Variants in SLC19A1 observed in about 807,000 individuals in gnomAD.
SLC19A1 encodes reduced folate transporter.
In SLC19A1, 37 loss-of-function variants were observed where a neutral mutation model predicts 35.3. The ratio of observed to expected loss-of-function variants is 1.05; its 90% confidence interval spans 0.81 to 1.38. The LOEUF (loss-of-function observed/expected upper bound fraction) is 1.38. SLC19A1 is among the 40% of genes most tolerant of loss of function. The pLI is 0.00. For missense variants in SLC19A1, 831 were observed against 826.9 expected (o/e 1.00, Z -0.06); for synonymous variants, 460 against 398.5 (o/e 1.15, Z -1.84).
upstream of SLC19A1, among the ~76,000 whole-genome samples, chr21:45,545,128 C>T (rs953445832): frequency 6.6e-6 from 1 of 152,208 alleles, no homozygotes; most frequent in Non-Finnish European, 1.5e-5. Context: ...CGTGCAGAGA[C>T]GTGCACATGC....
chr21:45,549,615 G>T (rs1260076525), intron 1 of SLC19A1, among the ~76,000 whole-genome samples: 1 of 135,220 alleles, frequency 7.4e-6, no homozygotes, highest in Non-Finnish European at 1.6e-5. Flanking sequence ...GGAGAAAAGG[G>T]CAGTGATGTG....
At position 45,530,938 on chromosome 21, in the gene SLC19A1, T is replaced by G. The variant is rs2077861900; in HGVS notation, c.983A>C (p.Lys328Thr). 1 of 1,455,282 alleles carries G rather than the reference T, an allele frequency of 6.9e-7. No homozygotes were observed. The highest frequency in any genetic ancestry group is 9.0e-7 in the Non-Finnish European group (1 of 1,105,584). The allele number at this position is 1,455,282 out of a possible 1,614,324, so 90.1% of individuals were successfully genotyped here. A position where few individuals can be genotyped will look rare whatever the true frequency, so the allele number is the denominator to read the frequency against. ...CTTGGACCAGCGCGCCCAGCGGATC[T>G]TCACGAAGCCCGCGGCGAAGGACGT... is the stretch of plus-strand genomic sequence containing the variant. Reference protein sequence around the residue: ...AITSFAAGFVKIRWARWSKLL... With the variant: ...AITSFAAGFVTIRWARWSKLL... Residue 328 changes from lysine to threonine, a missense_variant, in exon 4 of 6, where the codon AAG becomes ACG. Lys to Thr is a moderately conservative substitution (Grantham distance 78). Transcript: ENST00000311124. The surrounding 1 kb of genome is among the most constrained non-coding windows in gnomAD (Gnocchi z 5.3).
chr21:45,551,108 AG>A (rs1418610105), intron 1 of SLC19A1, among the ~76,000 whole-genome samples: 18 of 151,480 alleles, frequency 1.2e-4, no homozygotes, highest in African/African-American at 4.4e-4. Flanking sequence ...TTTTCTTTCA[AG>A]GAACTACCTT....
In SLC19A1 at chr21:45,534,561, C is replaced by T; in HGVS notation, c.190-2413G>A. On this transcript the variant is annotated intron_variant, in intron 2 of 5. Transcript: ENST00000311124. This position sits in a 1 kb window ranked among gnomAD's most constrained non-coding sequence, Gnocchi z 4.2. ...ACCTCCGAATGAATGGAGCATGCCT[C>T]ATTTCCTCTTCCACCAGGAGCTGGC... 4 of 1,535,734 alleles carry T rather than the reference C, an allele frequency of 2.6e-6. No individual in the cohort carries two copies. The South Asian group carries it at 4.8e-5, about 18-fold the overall frequency.
chr21:45,530,978 G>A lies in SLC19A1; in HGVS notation c.950-7C>T, dbSNP rs903778492. On this transcript the variant is annotated splice_polypyrimidine_tract_variant and splice_region_variant and intron_variant, in intron 3 of 5. Transcript: ENST00000311124. The surrounding 1 kb of genome is among the most constrained non-coding windows in gnomAD (Gnocchi z 5.3). Reference sequence around the variant, plus strand: ...GCGAAGGACGTGATGGCGCCTGAGAGGGGAGGGATGGGGCGTTGCAGCGGC... The same window carrying A: ...GCGAAGGACGTGATGGCGCCTGAGAAGGGAGGGATGGGGCGTTGCAGCGGC... 5 of 1,444,220 alleles carry A rather than the reference G, an allele frequency of 3.5e-6. No homozygotes were observed. The South Asian group carries it at 5.9e-5, about 17-fold the overall frequency. 89.5% of individuals were successfully genotyped at this position (1,444,220 alleles called of 1,614,324 possible). A position where few individuals can be genotyped will look rare whatever the true frequency, so the allele number is the denominator to read the frequency against.
In SLC19A1 at chr21:45,505,781, G is replaced by A. The variant is rs534094213; in HGVS notation, c.498-7169C>T. 106 of 1,286,280 alleles carry A rather than the reference G, an allele frequency of 8.2e-5. 1 individual carries two copies. The highest frequency in any genetic ancestry group is 6.3e-4 in the South Asian group (50 of 78,878). The allele number at this position is 1,286,280 out of a possible 1,614,324, so 79.7% of individuals were successfully genotyped here. A position where few individuals can be genotyped will look rare whatever the true frequency, so the allele number is the denominator to read the frequency against. On this transcript the variant is annotated intron_variant, in intron 3 of 4. Transcript: ENST00000417954. The stretch of plus-strand genomic sequence containing the variant: ...CCTGAAACGGGCATTCCTTCCTTCC[G>A]CCCCTGCCCCCCGCCCTCCCCGCCA...
In SLC19A1 at chr21:45,512,566, G is replaced by GT; in HGVS notation, c.*3091dup. 2 of 683,760 alleles carry GT rather than the reference G, an allele frequency of 2.9e-6. No individual in the cohort carries two copies. The highest frequency in any genetic ancestry group is 1.9e-5 in the South Asian group (1 of 54,028). The allele number at this position is 683,760 out of a possible 1,614,324, so 42.4% of individuals were successfully genotyped here. A position where few individuals can be genotyped will look rare whatever the true frequency, so the allele number is the denominator to read the frequency against. ...AAGAAATAAAAGGAAGCCAAAGAGTGTATTTTTTTAAAAGTTTAAAACAGA... is the reference window on the plus strand; with the variant it reads ...AAGAAATAAAAGGAAGCCAAAGAGTGTTATTTTTTTAAAAGTTTAAAACAGA... On this transcript the variant is annotated 3_prime_UTR_variant, in exon 6 of 6. Transcript: ENST00000311124.
chr21:45,509,919 CCTCAGTGTGTCACTTGCGCGCCTCCCG>C, downstream of SLC19A1: 1 of 944,368 alleles, frequency 1.1e-6, no homozygotes, highest in Non-Finnish European at 1.6e-6. Flanking sequence ...TGCCTGGGCC[CCTCAGTGTGTCACTTGCGCGCCTCCCG>C]CTCAGCGCCC....
chr21:45,512,403 C>G, downstream of SLC19A1: 1 of 1,611,874 alleles, frequency 6.2e-7, no homozygotes, highest in Non-Finnish European at 8.5e-7. Context: ...AAGTAGCCAC[C>G]GCCTGGATGC....
At chr21:45,505,813 A>G (rs777063422) in intron 3 of SLC19A1, 2 of 1,423,862 alleles carry the variant, frequency 1.4e-6, no homozygotes, top group African/African-American at 2.8e-5. Flanking sequence ...GCCAAGCCCC[A>G]CACCTCTGCA....
chr21:45,536,011 C>A (rs563834191), intron 2 of SLC19A1: 1 of 249,736 alleles, frequency 4.0e-6, no homozygotes, highest in Non-Finnish European at 6.5e-6. Context: ...CCCCTGCACC[C>A]CGGCGCCCAC....
downstream of SLC19A1, chr21:45,512,127 G>A: frequency 6.5e-7 from 1 of 1,544,174 alleles, no homozygotes; most frequent in Non-Finnish European, 8.8e-7. Flanking sequence ...TGCCCGGGGA[G>A]CGGCCTCTGC....
At position 45,533,750 on chromosome 21, in the gene SLC19A1, G is replaced by A. The variant is rs1384137683; in HGVS notation, c.190-1602C>T. Among the ~76,000 whole-genome samples, 1 of 152,094 alleles carries A rather than the reference G, an allele frequency of 6.6e-6. No individual in the cohort carries two copies. Among genetic ancestry groups the A allele is most frequent in the Non-Finnish European group, 1.5e-5 (1 of 67,976 alleles). On this transcript the variant is annotated intron_variant, in intron 2 of 5. Coordinates refer to ENST00000311124, the MANE Select transcript of SLC19A1 (RefSeq NM_194255.4). This position sits in a 1 kb window ranked among gnomAD's most constrained non-coding sequence, Gnocchi z 4.5. The stretch of plus-strand genomic sequence containing the variant: ...AGCCCCTGCCAGCCACACTTGGCAG[G>A]ACCAAACCCTGGGTCAGCACGTGGG...
rs1395054265 is a variant in SLC19A1, at chr21:45,531,618, G to A, written c.720C>T (p.His240=). 9.9e-6 allele frequency: 16 copies of A among 1,612,156 alleles called. No homozygotes were observed. In the East Asian group the frequency reaches 1.1e-4, roughly 11 times the overall value. The change falls in exon 3 of 6, where the codon CAC becomes CAT. Residue 240 remains histidine, a synonymous_variant. Coordinates refer to ENST00000311124, the MANE Select transcript of SLC19A1 (RefSeq NM_194255.4). ...MNPGPGGKLG[H]ALRVACGDSV... ...AGTCCCCACAGGCCACCCGCAGGGC[G>A]TGTCCCAGCTTCCCGCCTGGGCCAG...
At chr21:45,557,989 A>C (rs1308806777) in intron 1 of SLC19A1, among the ~76,000 whole-genome samples, 1 of 152,246 alleles carries the variant, frequency 6.6e-6, no homozygotes, top group African/African-American at 2.4e-5. Context: ...TTCGGAGGGC[A>C]TGACCAGGAG....
At chr21:45,562,557 G>A (rs944423) in intron 1 of SLC19A1, among the ~76,000 whole-genome samples, 62,713 of 152,082 alleles carry the variant, frequency 0.41, 13,109 homozygotes, top group African/African-American at 0.48. Flanking sequence ...TGAAACAAAC[G>A]GGTTGAGACC....
chr21:45,537,907 G>A lies in SLC19A1; in HGVS notation c.53C>T (p.Pro18Leu). ...VEKQVPVEPGPDPELRSWRHL... is the reference protein window; with the variant it reads ...VEKQVPVEPGLDPELRSWRHL... The stretch of plus-strand genomic sequence containing the variant: ...CCGCCAGGACCGGAGCTCGGGGTCA[G>A]GCCCAGGTTCCACGGGCACCTGCTT... The change falls in exon 2 of 6, where the codon CCT (proline) becomes CTT (leucine). Residue 18 changes from proline (P) to leucine (L), a missense_variant. Physicochemically the swap from Pro to Leu is moderately conservative, Grantham distance 98 (BLOSUM62 -3). Coordinates refer to ENST00000311124, the MANE Select transcript of SLC19A1 (RefSeq NM_194255.4). 1 of 1,595,890 alleles carries A rather than the reference G, an allele frequency of 6.3e-7. No homozygotes were observed. The highest frequency in any genetic ancestry group is 8.5e-7 in the Non-Finnish European group (1 of 1,174,676).
At chr21:45,523,743 C>T (rs532515028) in intron 5 of SLC19A1, among the ~76,000 whole-genome samples, 1 of 152,330 alleles carries the variant, frequency 6.6e-6, no homozygotes, top group East Asian at 1.9e-4. Context: ...CCAGTTCCAG[C>T]CTGGCTGGGG....
chr21:45,556,147 C>T (rs184511964), intron 1 of SLC19A1, among the ~76,000 whole-genome samples: 3 of 152,352 alleles, frequency 2.0e-5, no homozygotes, highest in Non-Finnish European at 4.4e-5. Flanking sequence ...CACAAGGACG[C>T]TCCCGTTCCA....
Sources: gnomAD v4.1 joint callset for allele counts (sites outside exome capture counted in the v4.1 genomes callset) on GRCh38, gnomAD v4.1.1 for gene constraint, Gnocchi (gnomAD v3.1) non-coding constraint, MANE v1.5 for transcripts, NCBI Gene and HGNC (gene_info 2026-07-23, HGNC 2026-07-21) for gene names.